The following SHOX2 variants were observed in gnomAD, a reference collection of about 807,000 sequenced individuals.
SHOX2 encodes the protein SHOX homeobox 2.
A neutral mutation model predicts 31.3 loss-of-function variants in SHOX2; 13 were observed. That is an observed-to-expected ratio of 0.42 (90% CI 0.27 to 0.66). The LOEUF is 0.66. Among genes scored for constraint, SHOX2 ranks in the 30% least tolerant of loss-of-function variants. The pLI is 0.27. For missense variants in SHOX2, 473 were observed against 443.0 expected (o/e 1.07, Z -0.61); for synonymous variants, 244 against 196.2 (o/e 1.24, Z -2.04).
In SHOX2 at chr3:158,105,898, A is replaced by T; in HGVS notation, c.127T>A (p.Cys43Ser). The stretch of plus-strand genomic sequence containing the variant: ...CGGTCGTCGCGGCCCGCCTCGGTGC[A>T]GCCGGTCGGCTCCTTGGCCCCGCGC... ...PLRGAKEPTG[C>S]TEAGRDDRSS... The change falls in exon 1 of 5, where the codon TGC becomes AGC. Residue 43 changes from cysteine (C) to serine (S), a missense_variant. Transcript: ENST00000483851. 1 of 1,584,456 alleles carries T rather than the reference A, an allele frequency of 6.3e-7. No homozygotes were observed. Among genetic ancestry groups the T allele is most frequent in the African/African-American group, 1.4e-5 (1 of 71,822 alleles).
chr3:158,097,908 G>A lies in SHOX2; in HGVS notation c.*119C>T. The A allele has an allele frequency of 7.8e-7, 1 of 1,282,396 alleles. No homozygotes were observed. Among genetic ancestry groups the A allele is most frequent in the South Asian group, 1.4e-5 (1 of 69,964 alleles). 79.4% of individuals were successfully genotyped at this position (1,282,396 alleles called of 1,614,324 possible). ...CGATAGGGGACGAGGGATGGTCAGT[G>A]AGGCGGGAAGAGGGCCGGCTCCCGA... On this transcript the variant is annotated 3_prime_UTR_variant, in exon 5 of 5. Transcript: ENST00000483851.
chr3:158,106,130 A>G lies in SHOX2; in HGVS notation c.-106T>C, dbSNP rs1418499428. 2.7e-6 allele frequency: 4 copies of G among 1,497,734 alleles called. No individual in the cohort carries two copies. Among genetic ancestry groups the G allele is most frequent in the Admixed American group, 3.9e-5 (2 of 51,486 alleles). The allele number at this position is 1,497,734 out of a possible 1,614,324, so 92.8% of individuals were successfully genotyped here. ...CAGCCCCCCCAATAATAACACATCAATGGGACAGGAGGTGGGGGAGGAGAG... is the reference window on the plus strand; with the variant it reads ...CAGCCCCCCCAATAATAACACATCAGTGGGACAGGAGGTGGGGGAGGAGAG... On this transcript the variant is annotated 5_prime_UTR_variant, in exon 1 of 5. Transcript: ENST00000483851.
chr3:158,100,319 T>C lies in SHOX2; in HGVS notation c.556-8A>G. 1 of 1,577,228 alleles carries C rather than the reference T, an allele frequency of 6.3e-7. No individual in the cohort carries two copies. Among genetic ancestry groups the C allele is most frequent in the Non-Finnish European group, 8.5e-7 (1 of 1,169,904 alleles). ...TCGATTTTGAAACCAAACCTATAGG[T>C]TGGAGGGGGAAAAAAAATAAAACCT... On this transcript the variant is annotated splice_polypyrimidine_tract_variant and splice_region_variant and intron_variant, in intron 2 of 4. Transcript: ENST00000483851.
rs1713099693 is a variant in SHOX2, at chr3:158,096,610, G to C, written c.*1417C>G. On this transcript the variant is annotated 3_prime_UTR_variant, in exon 5 of 5. Transcript: ENST00000483851. ...GGTGTTATTTAAGGTGAATTTGACG[G>C]GATAGAGAGGGGGAAATAAACCACT... 6.6e-6 allele frequency: 1 copy of C among 152,328 alleles called. No individual in the cohort carries two copies. The allele number at this position is 152,328 out of a possible 1,614,324, so 9.4% of individuals were successfully genotyped here.
In SHOX2 at chr3:158,102,860, C is replaced by G. The variant is rs770223323; in HGVS notation, c.373G>C (p.Glu125Gln). 46 of 1,613,984 alleles carry G rather than the reference C, an allele frequency of 2.9e-5. No individual in the cohort carries two copies. The highest frequency in any genetic ancestry group is 3.8e-5 in the Non-Finnish European group (45 of 1,180,028). Reference protein sequence around the residue: ...EVSPELKDRKEDAKGMEDEGQ... With the variant: ...EVSPELKDRKQDAKGMEDEGQ... The stretch of plus-strand genomic sequence containing the variant: ...TCGTCCTCCATCCCTTTCGCATCCT[C>G]TTTGCGATCTTTCAGCTCCGGGGAC... Residue 125 changes from glutamate (E) to glutamine (Q), a missense_variant, in exon 2 of 5, where the codon GAG becomes CAG. By Grantham distance (29) the Glu-to-Gln change is conservative (BLOSUM62 2). Coordinates refer to ENST00000483851, the MANE Select transcript of SHOX2 (RefSeq NM_001163678.2).
chr3:158,100,567 A>G (rs1181382774), intron 2 of SHOX2, among the ~76,000 whole-genome samples: 2 of 152,206 alleles, frequency 1.3e-5, no homozygotes, highest in African/African-American at 2.4e-5. Context: ...TTTTCACATA[A>G]CAGAGTCCCC....
rs1713382067 is a variant in SHOX2 at position 158,099,891 on chromosome 3, T to C, written c.671A>G (p.Asn224Ser). 8.1e-6 allele frequency: 13 copies of C among 1,614,148 alleles called. No individual in the cohort carries two copies. The highest frequency in any genetic ancestry group is 1.7e-5 in the Admixed American group (1 of 60,030). The change falls in exon 4 of 5, where the codon AAC becomes AGC. Residue 224 changes from asparagine (N) to serine (S), a missense_variant. By Grantham distance (46) the Asn-to-Ser change is conservative. Transcript: ENST00000483851. Reference sequence around the variant, plus strand: ...AAATGGCATCCTTAAAGCACCTACGTTGACATAAGGTGCGACTCTACAAGC... The same window carrying C: ...AAATGGCATCCTTAAAGCACCTACGCTGACATAAGGTGCGACTCTACAAGC... ...FEACRVAPYV[N>S]VGALRMPFQQ...
chr3:158,099,989 T>C, intron 3 of SHOX2, 41 bp from the exon 4 acceptor site: 1 of 1,548,774 alleles, frequency 6.5e-7, no homozygotes, highest in Non-Finnish European at 8.9e-7. Context: ...AGGTTAACGT[T>C]TGTAGCATTT....
At chr3:158,105,218 C>G in intron 1 of SHOX2, 1 of 780,010 alleles carries the variant, frequency 1.3e-6, no homozygotes, top group South Asian at 1.5e-5. Flanking sequence ...CCCCAAACAC[C>G]TAGGCGACCG....
rs1713891704 is a variant in SHOX2, at chr3:158,105,888, G to A, written c.137C>T (p.Ala46Val). Residue 46 changes from alanine to valine, a missense_variant, in exon 1 of 5, where the codon GCG becomes GTG. Ala to Val is a moderately conservative substitution (Grantham distance 64, BLOSUM62 0). Around this residue, in one of 3 missense-constraint regions of SHOX2, gnomAD observed 276 missense variants for 230.0 expected, o/e 1.20. Coordinates refer to ENST00000483851, the MANE Select transcript of SHOX2 (RefSeq NM_001163678.2). ...GAKEPTGCTEAGRDDRSSPAV... is the reference protein window; with the variant it reads ...GAKEPTGCTEVGRDDRSSPAV... Reference sequence around the variant, plus strand: ...CGGGCTGCTGCGGTCGTCGCGGCCCGCCTCGGTGCAGCCGGTCGGCTCCTT... The same window carrying A: ...CGGGCTGCTGCGGTCGTCGCGGCCCACCTCGGTGCAGCCGGTCGGCTCCTT... The A allele has an allele frequency of 6.4e-7, 1 of 1,554,032 alleles. No homozygotes were observed. The highest frequency in any genetic ancestry group is 2.0e-5 in the Admixed American group (1 of 50,752).
chr3:158,103,465 A>G (rs910660517), intron 1 of SHOX2: 1 of 164,054 alleles, frequency 6.1e-6, no homozygotes, highest in African/African-American at 2.4e-5. Flanking sequence ...AGCGAGAGCA[A>G]CAGACCCCGG....
intron 1 of SHOX2, chr3:158,104,108 C>A (rs981675363): frequency 6.6e-6 from 1 of 152,290 alleles, no homozygotes; most frequent in Non-Finnish European, 1.5e-5. Flanking sequence ...TCCAGGCCAG[C>A]ATGGGTGTTA....
chr3:158,101,197 A>C (rs1357122196), intron 2 of SHOX2, among the ~76,000 whole-genome samples: 1 of 152,222 alleles, frequency 6.6e-6, no homozygotes, highest in Non-Finnish European at 1.5e-5. Context: ...CTCACAAATT[A>C]AAGTTTTTAA....
chr3:158,097,856 G>A lies in SHOX2; in HGVS notation c.*171C>T, dbSNP rs1713218602. 2.4e-6 allele frequency: 2 copies of A among 842,426 alleles called. No homozygotes were observed. The highest frequency in any genetic ancestry group is 3.7e-6 in the Non-Finnish European group (2 of 536,638). The allele number at this position is 842,426 out of a possible 1,614,324, so 52.2% of individuals were successfully genotyped here. ...CCTCGTGAGATCCCTGGTCCTGCGT[G>A]GAGTCTGGCTTTCCGAGTCCAAGAT... On this transcript the variant is annotated 3_prime_UTR_variant, in exon 5 of 5. Coordinates refer to ENST00000483851, the MANE Select transcript of SHOX2 (RefSeq NM_001163678.2).
intron 2 of SHOX2, 150 bp downstream of exon 2, chr3:158,102,528 G>T (rs1713556810): frequency 3.1e-6 from 2 of 642,338 alleles, no homozygotes; most frequent in Non-Finnish European, 2.7e-6. Context: ...ATCTACTTTG[G>T]AAAATAAGAC....
chr3:158,105,033 C>CCA, intron 1 of SHOX2: 2 of 10,932 alleles, frequency 1.8e-4, no homozygotes, highest in South Asian at 1.2e-3. Flanking sequence ...TCCCCCGCCG[C>CCA]CCCCCCCCCC....
chr3:158,098,749 A>G (rs924926667), intron 4 of SHOX2, among the ~76,000 whole-genome samples: 1 of 152,198 alleles, frequency 6.6e-6, no homozygotes, highest in African/African-American at 2.4e-5. Flanking sequence ...CTTCACCACA[A>G]TAGGCACAAT....
intron 1 of SHOX2, chr3:158,105,231 G>A: frequency 1.4e-6 from 1 of 732,370 alleles, no homozygotes. Flanking sequence ...GGCGACCGGA[G>A]GGTTAAGCTT....
rs1390198816 is a variant in SHOX2 at position 158,096,084 on chromosome 3, G to C, written c.*1943C>G. The C allele has an allele frequency of 6.6e-6, 1 of 152,640 alleles. No homozygotes were observed. Among genetic ancestry groups the C allele is most frequent in the Non-Finnish European group, 1.5e-5 (1 of 68,044 alleles). 9.5% of individuals were successfully genotyped at this position (152,640 alleles called of 1,614,324 possible). The stretch of plus-strand genomic sequence containing the variant: ...TAATAACTTGGCACTTATTTAAAAG[G>C]TTTAACAGAATTGGAGGCGACACAT... On this transcript the variant is annotated 3_prime_UTR_variant, in exon 5 of 5. Transcript: ENST00000483851.
Sources: allele counts gnomAD v4.1 joint callset (sites outside exome capture counted in the v4.1 genomes callset), GRCh38; gene constraint gnomAD v4.1.1; regional missense constraint gnomAD v4.1.1; transcripts MANE v1.5; gene names NCBI Gene and HGNC (gene_info 2026-07-23, HGNC 2026-07-21).